The following ANKRD50 variants were observed in gnomAD, a reference collection of about 807,000 sequenced individuals.
ANKRD50 encodes ankyrin repeat domain 50.
ANKRD50 carries 40 observed loss-of-function variants against 112.0 expected under a neutral mutation model. The observed-to-expected ratio is 0.36, with a 90% CI of 0.28 to 0.46. ANKRD50 has a LOEUF of 0.46. Ranked by LOEUF, ANKRD50 falls within the 20% of genes least tolerant of loss-of-function variation. ANKRD50 has a pLI of 1.00. For synonymous variants in ANKRD50, 613 were observed against 619.1 expected (o/e 0.99, Z 0.15); for missense variants, 1,487 against 1,701.7 (o/e 0.87, Z 2.22).
At position 124,710,097 on chromosome 4, in the gene ANKRD50, G is replaced by T; in HGVS notation, c.415C>A (p.Leu139Ile). Residue 139 changes from leucine to isoleucine, a missense_variant, in exon 2 of 5, where the codon CTA (leucine) becomes ATA (isoleucine). Around this residue, in one of 2 missense-constraint regions of ANKRD50, gnomAD observed 1,046 missense variants for 1,269.5 expected, o/e 0.82. Transcript: ENST00000504087. ...GLVAQICRSG[L>I]LQGYEDKLRD... ...AGCTTGTCCTCATATCCTTGGAGTA[G>T]TCCACTGCGGCAGATCTGGGCTACT... The T allele has an allele frequency of 6.2e-7, 1 of 1,614,156 alleles. No homozygotes were observed. The highest frequency in any genetic ancestry group is 8.5e-7 in the Non-Finnish European group (1 of 1,180,036).
Position 124,669,503 on chromosome 4 carries a change from T to C in ANKRD50, c.3774A>G (p.Val1258=). Residue 1258 remains valine (V), a synonymous_variant, in exon 4 of 5, where the codon GTA becomes GTG. Transcript: ENST00000504087. ...CTTTAGTTGACTTCAAACTGGGCTT[T>C]ACTTGACTCCACTCAAATTCACTAC... is the stretch of plus-strand genomic sequence containing the variant. ...SPSSEFEWSQ[V]KPSLKSTKAS... is the part of the protein sequence containing the mutation. 2 of 1,612,906 alleles carry C rather than the reference T, an allele frequency of 1.2e-6. No homozygotes were observed. The highest frequency in any genetic ancestry group is 1.7e-6 in the Non-Finnish European group (2 of 1,179,698).
In ANKRD50 at chr4:124,667,174, T is replaced by C. The variant is rs1177422435; in HGVS notation, c.*344A>G. The C allele has an allele frequency of 2.0e-5, 3 of 152,060 alleles. No homozygotes were observed. Among genetic ancestry groups the C allele is most frequent in the Admixed American group, 6.6e-5 (1 of 15,242 alleles). 9.4% of individuals were successfully genotyped at this position (152,060 alleles called of 1,614,324 possible). ...ACACTGCCTTTTCATATATATTTGA[T>C]TATGGCACATGCACATTTTTTATCA... On this transcript the variant is annotated 3_prime_UTR_variant, in exon 5 of 5. Coordinates refer to ENST00000504087, the MANE Select transcript of ANKRD50 (RefSeq NM_020337.3).
intron 4 of ANKRD50, 79 bp from the exon 5 acceptor site, chr4:124,667,593 C>T (rs540518893): frequency 1.3e-5 from 2 of 152,076 alleles, no homozygotes; most frequent in East Asian, 3.9e-4. Flanking sequence ...TTATTTAATA[C>T]ATTTACCTCT....
chr4:124,676,137 G>C (rs529803187), intron 3 of ANKRD50, among the ~76,000 whole-genome samples: 1 of 151,558 alleles, frequency 6.6e-6, no homozygotes, highest in Non-Finnish European at 1.5e-5. Context: ...ACATATAGAA[G>C]GATAACTGGA....
chr4:124,701,562 C>T (rs185609063), intron 2 of ANKRD50, among the ~76,000 whole-genome samples: 5 of 151,970 alleles, frequency 3.3e-5, no homozygotes, highest in African/African-American at 4.8e-5. Flanking sequence ...AGAAATATTT[C>T]GAGATTAGGT....
chr4:124,693,287 A>C (rs2110520994), intron 2 of ANKRD50, among the ~76,000 whole-genome samples: 1 of 152,300 alleles, frequency 6.6e-6, no homozygotes, highest in South Asian at 2.1e-4. Flanking sequence ...GCTACTTTTC[A>C]AATTTCACTT....
chr4:124,689,142 G>C (rs528976306), intron 2 of ANKRD50, among the ~76,000 whole-genome samples: 1 of 152,288 alleles, frequency 6.6e-6, no homozygotes, highest in East Asian at 1.9e-4. Flanking sequence ...AACTTTGGGA[G>C]AGAAGGAACC....
chr4:124,703,908 A>G (rs1478287791), intron 2 of ANKRD50, among the ~76,000 whole-genome samples: 1 of 152,192 alleles, frequency 6.6e-6, no homozygotes, highest in African/African-American at 2.4e-5. Context: ...AGAAGTGATT[A>G]GAGGTTGAGG....
chr4:124,695,444 A>C (rs1189573685), intron 2 of ANKRD50, among the ~76,000 whole-genome samples: 3 of 152,170 alleles, frequency 2.0e-5, no homozygotes, highest in Non-Finnish European at 4.4e-5. Context: ...ATATTCCTCT[A>C]AGCAAAGTGC....
intron 2 of ANKRD50, among the ~76,000 whole-genome samples, chr4:124,704,044 G>A (rs1343566015): frequency 2.0e-5 from 3 of 152,136 alleles, no homozygotes; most frequent in Non-Finnish European, 2.9e-5. Context: ...GGGAAGATTT[G>A]AATAAACAGA....
chr4:124,686,031 T>C (rs1406229866), intron 2 of ANKRD50, among the ~76,000 whole-genome samples: 1 of 152,218 alleles, frequency 6.6e-6, no homozygotes, highest in Non-Finnish European at 1.5e-5. Context: ...CTTGATTTCC[T>C]GGCAGAAAGG....
At chr4:124,673,886 T>A (rs559655521) in intron 3 of ANKRD50, among the ~76,000 whole-genome samples, 1 of 152,146 alleles carries the variant, frequency 6.6e-6, no homozygotes, top group Non-Finnish European at 1.5e-5. Context: ...AAAAATAGAA[T>A]CTAATTTTAC....
rs530919824 is a variant in ANKRD50, at chr4:124,704,285, T to C, written c.512+5715A>G. Among the ~76,000 whole-genome samples, 3 of 152,344 alleles carry C rather than the reference T, an allele frequency of 2.0e-5. No individual in the cohort carries two copies. The East Asian group carries it at 5.8e-4, about 29-fold the overall frequency. ...TGACAGTTATTTTAAATAGCACTAG[T>C]TATACAAGATTGATTACGAATGTAA... On this transcript the variant is annotated intron_variant, in intron 2 of 4. Coordinates refer to ENST00000504087, the MANE Select transcript of ANKRD50 (RefSeq NM_020337.3).
intron 4 of ANKRD50, 90 bp from the exon 5 acceptor site, chr4:124,667,604 A>G (rs1003913559): frequency 1.3e-5 from 2 of 152,052 alleles, no homozygotes; most frequent in African/African-American, 4.8e-5. Context: ...ATTTACCTCT[A>G]TATATCTTTA....
intron 2 of ANKRD50, among the ~76,000 whole-genome samples, chr4:124,707,835 G>GA (rs1295413367): frequency 1.3e-5 from 2 of 151,682 alleles, no homozygotes; most frequent in Non-Finnish European, 2.9e-5. Context: ...ACAGGAAAAA[G>GA]AAAAAATAAA....
At chr4:124,695,255 A>C (rs1725228027) in intron 2 of ANKRD50, among the ~76,000 whole-genome samples, 2 of 152,192 alleles carry the variant, frequency 1.3e-5, no homozygotes, top group African/African-American at 4.8e-5. Context: ...TTAGAATTTC[A>C]GAGGATAGGA....
At chr4:124,686,817 A>G (rs1428523435) in intron 2 of ANKRD50, among the ~76,000 whole-genome samples, 6 of 152,248 alleles carry the variant, frequency 3.9e-5, no homozygotes, top group African/African-American at 1.4e-4. Context: ...TAAATACAAC[A>G]TATTATTAGA....
intron 2 of ANKRD50, among the ~76,000 whole-genome samples, chr4:124,695,631 C>T (rs1038793042): frequency 6.6e-6 from 1 of 151,996 alleles, no homozygotes; most frequent in Non-Finnish European, 1.5e-5. Context: ...ACTTTAAGCA[C>T]GTAACTCAGG....
chr4:124,683,711 A>C (rs1266235568), intron 2 of ANKRD50, among the ~76,000 whole-genome samples: 1 of 150,488 alleles, frequency 6.6e-6, no homozygotes, highest in South Asian at 2.1e-4. Context: ...AAATTGAGAT[A>C]GTGCCACTCC....
Sources: gnomAD v4.1 joint callset for allele counts (sites outside exome capture counted in the v4.1 genomes callset) on GRCh38, gnomAD v4.1.1 for gene constraint, gnomAD v4.1.1 regional missense constraint, MANE v1.5 for transcripts, NCBI Gene and HGNC (gene_info 2026-07-23, HGNC 2026-07-21) for gene names.